LYPLAL1: variants seen among roughly 807,000 people sequenced by gnomAD.
LYPLAL1 encodes the protein lysophospholipase like 1, also known as lysophospholipase-like protein 1.
In LYPLAL1, 23 loss-of-function variants were observed where a neutral mutation model predicts 19.7. The ratio of observed to expected loss-of-function variants is 1.17; its 90% CI spans 0.84 to 1.65. The LOEUF (loss-of-function observed/expected upper bound fraction) is 1.65, where lower values mean the gene tolerates loss of function less well. Ranked by LOEUF, LYPLAL1 falls within the 40% of genes most tolerant of loss-of-function variation. The pLI is 0.00. For synonymous variants in LYPLAL1, 119 were observed against 96.3 expected (o/e 1.24, Z -1.38); for missense variants, 355 against 279.4 (o/e 1.27, Z -1.93).
chr1:219,441,086 A>C, the LYPLAL1 span, among the ~76,000 whole-genome samples: 5 of 152,204 alleles, frequency 3.3e-5, no homozygotes, highest in Non-Finnish European at 5.9e-5. Context: ...TTACGGGGGA[A>C]ATTCTACAGG....
the LYPLAL1 span, among the ~76,000 whole-genome samples, chr1:219,438,018 C>T: frequency 6.6e-6 from 1 of 152,098 alleles, no homozygotes; most frequent in Admixed American, 6.5e-5. Context: ...CCAACCGCCT[C>T]GGCCTCCCAA....
intron 1 of LYPLAL1, chr1:219,174,322 G>T (rs573883623): frequency 2.1e-4 from 241 of 1,141,824 alleles, no homozygotes; most frequent in Middle Eastern, 1.9e-3. Flanking sequence ...TTCTGCTAGA[G>T]GGAAATTATT....
chr1:219,270,631 C>T, the LYPLAL1 span: 1 of 152,202 alleles, frequency 6.6e-6, no homozygotes, highest in African/African-American at 2.4e-5. Flanking sequence ...CTGTGCTGAA[C>T]ATACCTGGCT....
At chr1:219,356,046 A>T in the LYPLAL1 span, among the ~76,000 whole-genome samples, 1 of 152,164 alleles carries the variant, frequency 6.6e-6, no homozygotes, top group Non-Finnish European at 1.5e-5. Context: ...TGTGCATTGT[A>T]TCTGTCGTAT....
At chr1:219,391,832 AGATC>A in the LYPLAL1 span, among the ~76,000 whole-genome samples, 1 of 152,192 alleles carries the variant, frequency 6.6e-6, no homozygotes, top group Admixed American at 6.5e-5. Flanking sequence ...GGGAAGTTTA[AGATC>A]TCCCCAAACT....
At chr1:219,273,927 A>AT in the LYPLAL1 span, among the ~76,000 whole-genome samples, 1 of 152,118 alleles carries the variant, frequency 6.6e-6, no homozygotes, top group African/African-American at 2.4e-5. Context: ...CATCCGGCTA[A>AT]TTTTTTATAT....
the LYPLAL1 span, among the ~76,000 whole-genome samples, chr1:219,288,062 A>G: frequency 3.3e-5 from 5 of 152,332 alleles, no homozygotes; most frequent in Non-Finnish European, 5.9e-5. Flanking sequence ...GTAGTTCTTT[A>G]TAGCAGTGTG....
At chr1:219,373,626 C>A in the LYPLAL1 span, among the ~76,000 whole-genome samples, 2 of 152,092 alleles carry the variant, frequency 1.3e-5, no homozygotes, top group Non-Finnish European at 2.9e-5. Context: ...AGCTTAGTAA[C>A]AATTGGAATC....
chr1:219,296,527 G>A, the LYPLAL1 span, among the ~76,000 whole-genome samples: 1 of 152,116 alleles, frequency 6.6e-6, no homozygotes, highest in African/African-American at 2.4e-5. Flanking sequence ...CCATCAACCA[G>A]GCACATAAGT....
intron 3 of LYPLAL1, among the ~76,000 whole-genome samples, chr1:219,207,724 A>G (rs563794913): frequency 6.6e-6 from 1 of 152,192 alleles, no homozygotes; most frequent in Admixed American, 6.5e-5. Flanking sequence ...GAGAAGAATC[A>G]GCAACAGAAG....
At chr1:219,283,170 G>T in the LYPLAL1 span, among the ~76,000 whole-genome samples, 3 of 152,114 alleles carry the variant, frequency 2.0e-5, no homozygotes, top group Non-Finnish European at 2.9e-5. Flanking sequence ...TTATAATCTA[G>T]CTCCATATTT....
chr1:219,247,432 T>A, the LYPLAL1 span, among the ~76,000 whole-genome samples: 1 of 152,226 alleles, frequency 6.6e-6, no homozygotes, highest in Non-Finnish European at 1.5e-5. Context: ...TTTAAGATCA[T>A]GTTGGGTGGC....
the LYPLAL1 span, among the ~76,000 whole-genome samples, chr1:219,395,157 G>T: frequency 5.3e-5 from 8 of 152,208 alleles, no homozygotes; most frequent in African/African-American, 1.9e-4. Context: ...GGATTGCTGG[G>T]TCAAATGGTA....
At chr1:219,393,026 G>T in the LYPLAL1 span, among the ~76,000 whole-genome samples, 5 of 152,240 alleles carry the variant, frequency 3.3e-5, no homozygotes, top group Non-Finnish European at 2.9e-5. Context: ...TACTTTCTCT[G>T]CTAGATATTT....
intron 1 of LYPLAL1, among the ~76,000 whole-genome samples, chr1:219,177,585 A>G (rs559086794): frequency 6.6e-6 from 1 of 151,730 alleles, no homozygotes; most frequent in South Asian, 2.1e-4. Context: ...TCACCCAGTT[A>G]CTCCGGCCAA....
chr1:219,416,804 G>T, the LYPLAL1 span, among the ~76,000 whole-genome samples: 6 of 152,122 alleles, frequency 3.9e-5, no homozygotes, highest in African/African-American at 1.4e-4. Flanking sequence ...GATCCCTTTT[G>T]TCGCCATCTG....
intron 2 of LYPLAL1, among the ~76,000 whole-genome samples, chr1:219,179,700 C>T (rs1375763113): frequency 6.6e-6 from 1 of 152,080 alleles, no homozygotes; most frequent in Non-Finnish European, 1.5e-5. Flanking sequence ...CAATGTTATG[C>T]TTTTTTAATC....
At chr1:219,365,049 A>G in the LYPLAL1 span, among the ~76,000 whole-genome samples, 1 of 152,148 alleles carries the variant, frequency 6.6e-6, no homozygotes, top group African/African-American at 2.4e-5. Context: ...CATACTATTG[A>G]TATATCCTAT....
the LYPLAL1 span, among the ~76,000 whole-genome samples, chr1:219,344,645 A>G: frequency 1.3e-5 from 2 of 152,084 alleles, no homozygotes; most frequent in Non-Finnish European, 2.9e-5. Flanking sequence ...CCAGCTCTAT[A>G]TGTCTGGGAC....
Sources: allele counts gnomAD v4.1 joint callset (sites outside exome capture counted in the v4.1 genomes callset), GRCh38; gene constraint gnomAD v4.1.1; transcripts MANE v1.5; gene names NCBI Gene and HGNC (gene_info 2026-07-23, HGNC 2026-07-21).